GPATCH8: variants seen among roughly 807,000 people sequenced by gnomAD.
GPATCH8 encodes the protein G patch domain-containing protein 8.
GPATCH8 carries 18 observed loss-of-function variants against 118.3 expected under a neutral mutation model. That is an observed-to-expected ratio of 0.15 (90% CI 0.11 to 0.23). The LOEUF (loss-of-function observed/expected upper bound fraction) is 0.23. Among genes scored for constraint, GPATCH8 ranks in the 10% least tolerant of loss-of-function variants. The pLI, the probability that GPATCH8 is intolerant of heterozygous loss-of-function variation, is 1.00. For missense variants in GPATCH8, 1,631 were observed against 1,873.8 expected (o/e 0.87, Z 2.39); for synonymous variants, 659 against 684.7 (o/e 0.96, Z 0.59).
chr17:44,441,757 G>A (rs1442706609), intron 3 of GPATCH8, among the ~76,000 whole-genome samples: 4 of 150,604 alleles, frequency 2.7e-5, no homozygotes, highest in African/African-American at 7.3e-5. Flanking sequence ...GCCCGGGCAC[G>A]GTGGCTCAGG....
chr17:44,408,905 A>C (rs2049330711), intron 6 of GPATCH8, among the ~76,000 whole-genome samples: 1 of 152,204 alleles, frequency 6.6e-6, no homozygotes, highest in Non-Finnish European at 1.5e-5. Context: ...TCACATTTAC[A>C]AACTTTACAG....
Position 44,398,173 on chromosome 17 carries a change from G to A in GPATCH8, c.3904C>T (p.Leu1302=). The A allele has an allele frequency of 1.2e-6, 2 of 1,613,608 alleles. No homozygotes were observed. The highest frequency in any genetic ancestry group is 8.5e-7 in the Non-Finnish European group (1 of 1,179,580). Residue 1302 remains leucine (L), a synonymous_variant, in exon 8 of 8, where the codon CTG becomes TTG. Transcript: ENST00000591680. ...ATGGGCTGGCTTTCCAGGGGGGCCA[G>A]TGAAGCATCCTCAGCCCCATCTGTT... ...ESTDGAEDAS[L]APLESQPITF... is the part of the protein sequence containing the mutation.
chr17:44,494,421 G>C lies in GPATCH8; in HGVS notation c.45+8905C>G, dbSNP rs192002819. 2.2e-3 allele frequency among the ~76,000 whole-genome samples: 332 copies of C among 152,178 alleles called. 1 individual carries two copies. Among genetic ancestry groups the C allele is most frequent in the African/African-American group, 7.6e-3 (316 of 41,518 alleles). ...AGCCTGGCCAACATAGTGAAACCCT[G>C]TCCCTATTAAAAATACAAAAATTAG... On this transcript the variant is annotated intron_variant, in intron 1 of 7. Transcript: ENST00000591680.
At position 44,474,923 on chromosome 17, in the gene GPATCH8, G is replaced by A; in HGVS notation, c.46-20C>T. 1 of 1,288,758 alleles carries A rather than the reference G, an allele frequency of 7.8e-7. No homozygotes were observed. The highest frequency in any genetic ancestry group is 1.1e-6 in the Non-Finnish European group (1 of 885,020). The allele number at this position is 1,288,758 out of a possible 1,614,324, so 79.8% of individuals were successfully genotyped here. A position where few individuals can be genotyped will look rare whatever the true frequency, so the allele number is the denominator to read the frequency against. ...ATTACCCTGAAAAAAGATGATTACA[G>A]TTATTTTTCAAAAGCAGTTAAGTGT... On this transcript the variant is annotated intron_variant, in intron 1 of 7. Transcript: ENST00000591680.
chr17:44,463,338 TACAA>T (rs2051634490), intron 3 of GPATCH8, among the ~76,000 whole-genome samples: 2 of 152,194 alleles, frequency 1.3e-5, no homozygotes, highest in Admixed American at 1.3e-4. Flanking sequence ...ATGCCTATTA[TACAA>T]TAAGCTCCCG....
chr17:44,440,967 C>T (rs2050670808), intron 3 of GPATCH8, among the ~76,000 whole-genome samples: 2 of 152,168 alleles, frequency 1.3e-5, no homozygotes, highest in Non-Finnish European at 2.9e-5. Flanking sequence ...TGTCCTGCCT[C>T]AGCCTCCTGA....
At chr17:44,500,786 G>C (rs900791146) in intron 1 of GPATCH8, among the ~76,000 whole-genome samples, 2 of 152,204 alleles carry the variant, frequency 1.3e-5, no homozygotes, top group African/African-American at 4.8e-5. Flanking sequence ...TTGTTTTCAA[G>C]TATAGTCAGT....
At chr17:44,503,200 G>A (rs112296624) in intron 1 of GPATCH8, 126 bp downstream of exon 1, 4 of 838,156 alleles carry the variant, frequency 4.8e-6, no homozygotes, top group Non-Finnish European at 8.0e-6. Context: ...GCAGAGACGG[G>A]AGAAGAGCGA....
intron 1 of GPATCH8, among the ~76,000 whole-genome samples, chr17:44,479,230 T>C (rs1598604242): frequency 6.6e-6 from 1 of 152,230 alleles, no homozygotes; most frequent in East Asian, 1.9e-4. Flanking sequence ...AAAAAGATAA[T>C]GAATCATTAG....
At chr17:44,466,174 A>AT (rs1401435221) in intron 2 of GPATCH8, among the ~76,000 whole-genome samples, 1 of 151,760 alleles carries the variant, frequency 6.6e-6, no homozygotes, top group Non-Finnish European at 1.5e-5. Flanking sequence ...TGCCTGGATA[A>AT]TTTTTTTATT....
intron 3 of GPATCH8, among the ~76,000 whole-genome samples, chr17:44,443,592 G>C (rs1017911467): frequency 1.3e-5 from 2 of 152,036 alleles, no homozygotes; most frequent in African/African-American, 4.8e-5. Context: ...AAATTATCCA[G>C]TACTACAAAA....
At chr17:44,492,245 G>A (rs1003761271) in intron 1 of GPATCH8, among the ~76,000 whole-genome samples, 2 of 141,646 alleles carry the variant, frequency 1.4e-5, no homozygotes, top group Non-Finnish European at 3.1e-5. Flanking sequence ...AGCTTGCAGT[G>A]AGCTGAGATG....
intron 2 of GPATCH8, 88 bp downstream of exon 2, chr17:44,474,738 TTAA>T (rs1214936865): frequency 1.3e-6 from 1 of 742,040 alleles, no homozygotes; most frequent in Non-Finnish European, 2.5e-6. Context: ...CTATTGGTTA[TTAA>T]TAAGTTTAAC....
chr17:44,489,675 CA>C (rs1458992857), intron 1 of GPATCH8, among the ~76,000 whole-genome samples: 1 of 151,816 alleles, frequency 6.6e-6, no homozygotes, highest in Non-Finnish European at 1.5e-5. Flanking sequence ...ACTAGAAAAA[CA>C]AAAAGAGGAA....
intron 5 of GPATCH8, among the ~76,000 whole-genome samples, chr17:44,425,965 C>G (rs2143920329): frequency 6.6e-6 from 1 of 152,148 alleles, no homozygotes; most frequent in South Asian, 2.1e-4. Flanking sequence ...TTCAGAAGAA[C>G]TGGGCAACAG....
chr17:44,426,411 T>A (rs1430812119), intron 5 of GPATCH8, among the ~76,000 whole-genome samples: 1 of 152,104 alleles, frequency 6.6e-6, no homozygotes, highest in Non-Finnish European at 1.5e-5. Context: ...AAGACCAGCC[T>A]GGGTAACACA....
Position 44,399,545 on chromosome 17 carries a change from ATCTTCC to A in GPATCH8, c.2526_2531del (p.Glu842_Glu843del), listed in dbSNP as rs1232505293. 5 of 1,614,008 alleles carry A rather than the reference ATCTTCC, an allele frequency of 3.1e-6. No individual in the cohort carries two copies. Among genetic ancestry groups the A allele is most frequent in the Non-Finnish European group, 3.4e-6 (4 of 1,180,008 alleles). On this transcript the variant is annotated inframe_deletion, in exon 8 of 8. Coordinates refer to ENST00000591680, the MANE Select transcript of GPATCH8 (RefSeq NM_001002909.4). ...GGCTGCGGGAATGCTCACTGCCTGA[ATCTTCC>A]TCTTCTTCTTCCTCACTGTACTGGG...
At chr17:44,495,535 A>C (rs542350455) in intron 1 of GPATCH8, among the ~76,000 whole-genome samples, 5 of 152,338 alleles carry the variant, frequency 3.3e-5, no homozygotes, top group African/African-American at 7.2e-5. Context: ...ACTCCTTGAA[A>C]ACAAAAACAC....
chr17:44,456,621 GAAAA>G (rs962827907), intron 3 of GPATCH8, among the ~76,000 whole-genome samples: 5 of 142,246 alleles, frequency 3.5e-5, no homozygotes, highest in Admixed American at 1.4e-4. Context: ...ATCTCCAATG[GAAAA>G]AAAAAAAGTC....
Sources: allele counts gnomAD v4.1 joint callset (sites outside exome capture counted in the v4.1 genomes callset), GRCh38; gene constraint gnomAD v4.1.1; transcripts MANE v1.5; gene names NCBI Gene and HGNC (gene_info 2026-07-23, HGNC 2026-07-21).